Variants in PCDHA1 observed in about 807,000 individuals in gnomAD.
PCDHA1 encodes protocadherin alpha-1.
A neutral mutation model predicts 61.3 loss-of-function variants in PCDHA1; 42 were observed. The observed-to-expected ratio is 0.69, with a 90% CI of 0.54 to 0.89. PCDHA1 has a LOEUF of 0.89. Ranked by LOEUF, PCDHA1 falls within the 40% of genes least tolerant of loss-of-function variation. The pLI is 0.00. For synonymous variants in PCDHA1, 610 were observed against 553.8 expected (o/e 1.10, Z -1.43); for missense variants, 1,256 against 1,235.3 (o/e 1.02, Z -0.25).
rs782310474 is a variant in PCDHA1 at position 140,858,120 on chromosome 5, T to C, written c.2394+69436T>C. 9 of 1,597,738 alleles carry C rather than the reference T, an allele frequency of 5.6e-6. 1 individual carries two copies. In the Admixed American group the frequency reaches 1.5e-4, roughly 27 times the overall value. ...GTGGGCGTGGCGCCCGAGGTGGCCC[T>C]GGTGGATGTCAACGTGTACCTGATC... On this transcript the variant is annotated intron_variant, in intron 1 of 3. Coordinates refer to ENST00000504120, the MANE Select transcript of PCDHA1 (RefSeq NM_018900.4).
intron 1 of PCDHA1, 198 bp downstream of exon 1, chr5:140,788,882 A>G: frequency 7.7e-7 from 1 of 1,304,040 alleles, no homozygotes. Flanking sequence ...ATGTAGGGAC[A>G]AATTGTCGTA....
chr5:140,959,000 G>A (rs1239762631), intron 1 of PCDHA1, among the ~76,000 whole-genome samples: 1 of 151,884 alleles, frequency 6.6e-6, no homozygotes, highest in Admixed American at 6.6e-5. Flanking sequence ...ATCTTTTACT[G>A]TACCTAATTT....
chr5:140,834,301 G>A (rs2150215052), intron 1 of PCDHA1: 1 of 1,289,234 alleles, frequency 7.8e-7, no homozygotes, highest in Non-Finnish European at 1.1e-6. Flanking sequence ...GCCACACATC[G>A]AGATTGAAAT....
At chr5:140,940,731 G>T (rs1195223562) in intron 1 of PCDHA1, among the ~76,000 whole-genome samples, 2 of 152,162 alleles carry the variant, frequency 1.3e-5, no homozygotes, top group Admixed American at 1.3e-4. Flanking sequence ...CAGCTGGACA[G>T]CTCCATATTT....
rs781827223 is a variant in PCDHA1 at position 140,788,173 on chromosome 5, C to A, written c.1883C>A (p.Thr628Lys). 2 of 1,613,882 alleles carry A rather than the reference C, an allele frequency of 1.2e-6. No homozygotes were observed. Among genetic ancestry groups the A allele is most frequent in the African/African-American group, 1.3e-5 (1 of 74,930 alleles). ...ATCCCGTTCCGCGTGGGGCTGTACA[C>A]GGGCGAGATCAGCACGACTCGTGTC... is the stretch of plus-strand genomic sequence containing the variant. ...ARIPFRVGLYTGEISTTRVLD... is the reference protein window; with the variant it reads ...ARIPFRVGLYKGEISTTRVLD... The change falls in exon 1 of 4, where the codon ACG becomes AAG. Residue 628 changes from threonine (T) to lysine (K), a missense_variant. Physicochemically the swap from Thr to Lys is moderately conservative, Grantham distance 78. Transcript: ENST00000504120.
At chr5:140,981,017 G>T (rs782757397) in intron 2 of PCDHA1, among the ~76,000 whole-genome samples, 42 of 152,076 alleles carry the variant, frequency 2.8e-4, no homozygotes, top group Non-Finnish European at 5.3e-4. Flanking sequence ...ACACTTGAAG[G>T]CTGTTAATAT....
At chr5:140,828,252 T>A in intron 1 of PCDHA1, 1 of 1,613,980 alleles carries the variant, frequency 6.2e-7, no homozygotes, top group Non-Finnish European at 8.5e-7. Context: ...GACCTGGGGC[T>A]GGAGCTGGCG....
chr5:140,829,603 G>T lies in PCDHA1; in HGVS notation c.2394+40919G>T, dbSNP rs2150171045. On this transcript the variant is annotated intron_variant, in intron 1 of 3. Transcript: ENST00000504120. ...AGCGGCGGGTGGGCGAGCGCGCGTT[G>T]TCGAGCTACATTTCGGTGCACGCGG... The T allele has an allele frequency of 1.9e-6, 3 of 1,612,072 alleles. No individual in the cohort carries two copies. In the South Asian group the frequency reaches 3.3e-5, roughly 18 times the overall value.
intron 1 of PCDHA1, among the ~76,000 whole-genome samples, chr5:140,972,087 A>G (rs1372467840): frequency 3.3e-5 from 5 of 152,192 alleles, no homozygotes; most frequent in Non-Finnish European, 7.3e-5. Context: ...AAAAAGAGTA[A>G]TTTCTGGCAT....
At chr5:140,834,375 T>G in intron 1 of PCDHA1, 2 of 1,560,406 alleles carry the variant, frequency 1.3e-6, no homozygotes, top group South Asian at 2.4e-5. Context: ...AACAAGCCAA[T>G]AATTTGAAAT....
rs782523772 is a variant in PCDHA1, at chr5:140,787,807, A to G, written c.1517A>G (p.Asn506Ser). Residue 506 changes from asparagine (N) to serine (S), a missense_variant, in exon 1 of 4, where the codon AAC becomes AGC. Physicochemically the swap from Asn to Ser is conservative, Grantham distance 46. Transcript: ENST00000504120. ...ERRVGERALSNYVSVHAESGK... is the reference protein window; with the variant it reads ...ERRVGERALSSYVSVHAESGK... ...CGGGTGGGCGAGCGCGCGCTGTCGA[A>G]CTACGTGTCAGTGCACGCGGAGAGC... 4 of 1,612,518 alleles carry G rather than the reference A, an allele frequency of 2.5e-6. No individual in the cohort carries two copies. The South Asian group carries it at 3.3e-5, about 13-fold the overall frequency.
rs538891766 is a variant in PCDHA1 at position 140,931,784 on chromosome 5, A to G, written c.2395-47165A>G. The stretch of plus-strand genomic sequence containing the variant: ...TTTACTTCTTCCTGTTCAATTACCT[A>G]TTGATCTGATCTTAATTCTTTAGAA... On this transcript the variant is annotated intron_variant, in intron 1 of 3. Transcript: ENST00000504120. Among the ~76,000 whole-genome samples, 13 of 152,080 alleles carry G rather than the reference A, an allele frequency of 8.5e-5. No homozygotes were observed. In the East Asian group the frequency reaches 1.9e-3, roughly 23 times the overall value.
At position 140,836,012 on chromosome 5, in the gene PCDHA1, G is replaced by A. The variant is rs2150250608; in HGVS notation, c.2394+47328G>A. ...TGAGCGCGCGCGATGCGGGCGTGCC[G>A]CCTCTGGGCAGCAACGTGACGCTGC... On this transcript the variant is annotated intron_variant, in intron 1 of 3. Coordinates refer to ENST00000504120, the MANE Select transcript of PCDHA1 (RefSeq NM_018900.4). 1.8e-5 allele frequency: 29 copies of A among 1,613,192 alleles called. No individual in the cohort carries two copies. In the Admixed American group the frequency reaches 4.3e-4, roughly 24 times the overall value.
At chr5:140,915,273 A>C (rs2077054431) in intron 1 of PCDHA1, among the ~76,000 whole-genome samples, 1 of 152,090 alleles carries the variant, frequency 6.6e-6, no homozygotes, top group South Asian at 2.1e-4. Flanking sequence ...TGACCAGTTC[A>C]TCATTTACTC....
intron 1 of PCDHA1, chr5:140,875,899 T>C: frequency 1.2e-6 from 2 of 1,614,192 alleles, no homozygotes; most frequent in South Asian, 1.1e-5. Context: ...GGTACCTGTT[T>C]CTGAATCTGC....
chr5:140,984,682 A>G (rs2097114582), intron 3 of PCDHA1, among the ~76,000 whole-genome samples: 2 of 152,136 alleles, frequency 1.3e-5, no homozygotes, highest in Non-Finnish European at 2.9e-5. Context: ...AGGACTCAAT[A>G]TATGTTCTGC....
intron 1 of PCDHA1, among the ~76,000 whole-genome samples, chr5:140,897,430 C>T (rs1297820601): frequency 6.7e-6 from 1 of 148,618 alleles, no homozygotes; most frequent in Non-Finnish European, 1.5e-5. Context: ...TGAGTGAGAA[C>T]ATGCAGTGTT....
intron 1 of PCDHA1, among the ~76,000 whole-genome samples, chr5:140,951,653 C>T (rs2094610729): frequency 6.6e-6 from 1 of 152,176 alleles, no homozygotes; most frequent in South Asian, 2.1e-4. Context: ...TCACCTCCCA[C>T]CAGGGCCTGC....
chr5:140,794,818 C>T (rs1761881282), intron 1 of PCDHA1: 1 of 866,486 alleles, frequency 1.2e-6, no homozygotes, highest in Non-Finnish European at 1.8e-6. Flanking sequence ...ATAGAGTGTT[C>T]TCTAGGAAGG....
Sources: gnomAD v4.1 joint callset for allele counts (sites outside exome capture counted in the v4.1 genomes callset) on GRCh38, gnomAD v4.1.1 for gene constraint, MANE v1.5 for transcripts, NCBI Gene and HGNC (gene_info 2026-07-23, HGNC 2026-07-21) for gene names.